The following SLC39A11 variants were observed in gnomAD, a reference collection of about 807,000 sequenced individuals.
SLC39A11 encodes the protein zinc transporter ZIP11.
SLC39A11 carries 33 observed loss-of-function variants against 36.1 expected under a neutral mutation model. The observed-to-expected ratio is 0.91, with a 90% CI of 0.69 to 1.22. The LOEUF (loss-of-function observed/expected upper bound fraction) is 1.22. SLC39A11 is among the 50% of genes most tolerant of loss of function. The pLI, the probability that SLC39A11 is intolerant of heterozygous loss-of-function variation, is 0.00. For synonymous variants in SLC39A11, 166 were observed against 170.3 expected (o/e 0.97, Z 0.20); for missense variants, 432 against 430.3 (o/e 1.00, Z -0.03).
chr17:72,648,904 G>A lies in SLC39A11; in HGVS notation c.828C>T (p.Ala276=), dbSNP rs568805544. 2.9e-5 allele frequency: 47 copies of A among 1,614,050 alleles called. No homozygotes were observed. Among genetic ancestry groups the A allele is most frequent in the Middle Eastern group, 3.3e-4 (2 of 6,062 alleles). ...GCAGGATGGGCTCAGCCAGCACCAC[G>A]GCAAAGGCACCAAAGACCCCGGCCA... ...EPLAGVFGAF[A]VVLAEPILPY... The change falls in exon 9 of 10, where the codon GCC becomes GCT. Residue 276 remains alanine, a synonymous_variant. Coordinates refer to ENST00000255559, the MANE Select transcript of SLC39A11 (RefSeq NM_139177.4).
At chr17:73,000,490 T>G (rs2089760953) in intron 4 of SLC39A11, among the ~76,000 whole-genome samples, 1 of 152,206 alleles carries the variant, frequency 6.6e-6, no homozygotes, top group Non-Finnish European at 1.5e-5. Context: ...GCATGGCCAG[T>G]AGCAGTCTGC....
intron 7 of SLC39A11, among the ~76,000 whole-genome samples, chr17:72,671,804 T>C (rs1259705731): frequency 6.6e-6 from 1 of 152,178 alleles, no homozygotes; most frequent in African/African-American, 2.4e-5. Flanking sequence ...ATCACCTATA[T>C]GCAGAATCTT....
intron 6 of SLC39A11, among the ~76,000 whole-genome samples, chr17:72,744,267 G>T (rs2074837802): frequency 6.6e-6 from 1 of 152,138 alleles, no homozygotes; most frequent in Non-Finnish European, 1.5e-5. Context: ...TTGACATTTG[G>T]TAGTCGGGGA....
At chr17:72,762,773 T>C (rs763487053) in intron 6 of SLC39A11, among the ~76,000 whole-genome samples, 9 of 152,128 alleles carry the variant, frequency 5.9e-5, no homozygotes, top group Admixed American at 1.3e-4. Flanking sequence ...CTCAGACCCA[T>C]GGCAGACCTT....
rs142561004 is a variant in SLC39A11 at position 73,059,876 on chromosome 17, T to C, written c.147+24932A>G. 2.2e-3 allele frequency among the ~76,000 whole-genome samples: 336 copies of C among 150,918 alleles called. 1 individual carries two copies. Among genetic ancestry groups the C allele is most frequent in the African/African-American group, 7.3e-3 (301 of 41,158 alleles). On this transcript the variant is annotated intron_variant, in intron 3 of 9. Coordinates refer to ENST00000255559, the MANE Select transcript of SLC39A11 (RefSeq NM_139177.4). ...AAAAAACTGATGGAATATAAGAAGG[T>C]TGTAGGAGGTTTGTGGACGGTGAAT...
intron 6 of SLC39A11, among the ~76,000 whole-genome samples, chr17:72,775,113 G>A (rs1195434303): frequency 6.6e-6 from 1 of 152,012 alleles, no homozygotes; most frequent in African/African-American, 2.4e-5. Context: ...TCTTTGTTTT[G>A]CTCGCTTTCA....
chr17:73,012,321 CAT>C (rs1174714693), intron 4 of SLC39A11, among the ~76,000 whole-genome samples: 1 of 152,016 alleles, frequency 6.6e-6, no homozygotes, highest in Non-Finnish European at 1.5e-5. Flanking sequence ...TTATTTGTAA[CAT>C]AGAGGATAAA....
At chr17:72,750,796 A>G (rs1357050307) in intron 6 of SLC39A11, among the ~76,000 whole-genome samples, 2 of 152,154 alleles carry the variant, frequency 1.3e-5, no homozygotes, top group Non-Finnish European at 2.9e-5. Context: ...AGGAAAAAAA[A>G]AAACTGCCTT....
Position 72,869,142 on chromosome 17 carries a change from T to C in SLC39A11, c.431-19338A>G, listed in dbSNP as rs551175266. On this transcript the variant is annotated intron_variant, in intron 5 of 9. Coordinates refer to ENST00000255559, the MANE Select transcript of SLC39A11 (RefSeq NM_139177.4). ...AAGGCTCAGGCATGAGCCTTTGAAATGGACATCCCCAAATAAACGAGCCCC... is the reference window on the plus strand; with the variant it reads ...AAGGCTCAGGCATGAGCCTTTGAAACGGACATCCCCAAATAAACGAGCCCC... 5.9e-5 allele frequency among the ~76,000 whole-genome samples: 9 copies of C among 152,226 alleles called. No homozygotes were observed. The South Asian group carries it at 1.5e-3, about 25-fold the overall frequency.
At chr17:73,072,969 C>G (rs141397315) in intron 3 of SLC39A11, among the ~76,000 whole-genome samples, 15,338 of 152,258 alleles carry the variant, frequency 0.1, 998 homozygotes, top group Admixed American at 0.19. Context: ...CACTTGTGGT[C>G]AGGAGTTCAA....
At chr17:72,967,395 AGAGAGT>A (rs1598637300) in intron 4 of SLC39A11, among the ~76,000 whole-genome samples, 1 of 143,952 alleles carries the variant, frequency 6.9e-6, no homozygotes, top group East Asian at 2.0e-4. Flanking sequence ...AGAGAGAGAG[AGAGAGT>A]GTGTGTGTGT....
chr17:72,810,432 C>A (rs1267045290), intron 6 of SLC39A11, among the ~76,000 whole-genome samples: 2 of 152,262 alleles, frequency 1.3e-5, no homozygotes, highest in Non-Finnish European at 2.9e-5. Context: ...TCAACTATTG[C>A]AATGCACACA....
intron 3 of SLC39A11, among the ~76,000 whole-genome samples, chr17:73,038,788 G>A (rs1367318880): frequency 1.5e-5 from 2 of 133,260 alleles, no homozygotes; most frequent in African/African-American, 2.7e-5. Flanking sequence ...AGGGAGGAGG[G>A]AGGAGGGAGG....
At chr17:73,077,871 T>C (rs1378633235) in intron 3 of SLC39A11, among the ~76,000 whole-genome samples, 2 of 152,216 alleles carry the variant, frequency 1.3e-5, no homozygotes, top group African/African-American at 2.4e-5. Context: ...TATCTGGTTT[T>C]GTTGGTTTGT....
intron 7 of SLC39A11, among the ~76,000 whole-genome samples, chr17:72,692,263 G>A (rs951650950): frequency 6.6e-6 from 1 of 152,102 alleles, no homozygotes; most frequent in Non-Finnish European, 1.5e-5. Context: ...CACCCGCCTC[G>A]GCCTCCCAAA....
At chr17:72,871,033 T>TTTTG (rs1313577058) in intron 5 of SLC39A11, among the ~76,000 whole-genome samples, 1 of 151,044 alleles carries the variant, frequency 6.6e-6, no homozygotes, top group Non-Finnish European at 1.5e-5. Context: ...TTTTGGTTTT[T>TTTTG]TTTGTTTGTT....
chr17:72,744,923 C>T (rs557755697), intron 6 of SLC39A11, among the ~76,000 whole-genome samples: 3 of 152,286 alleles, frequency 2.0e-5, no homozygotes, highest in Admixed American at 1.3e-4. Flanking sequence ...CTCACTGCAA[C>T]CTCTACCTCC....
intron 7 of SLC39A11, among the ~76,000 whole-genome samples, chr17:72,717,645 C>T (rs910759327): frequency 3.3e-5 from 5 of 152,218 alleles, no homozygotes; most frequent in African/African-American, 1.2e-4. Flanking sequence ...CTTAGGCCCA[C>T]CCTAATCCAG....
At chr17:72,731,879 T>C (rs1453522055) in intron 7 of SLC39A11, among the ~76,000 whole-genome samples, 1 of 151,756 alleles carries the variant, frequency 6.6e-6, no homozygotes, top group East Asian at 1.9e-4. Flanking sequence ...GTGCCCACCA[T>C]CACGCCTGGC....
Sources: gnomAD v4.1 joint callset for allele counts (sites outside exome capture counted in the v4.1 genomes callset) on GRCh38, gnomAD v4.1.1 for gene constraint, MANE v1.5 for transcripts, NCBI Gene and HGNC (gene_info 2026-07-23, HGNC 2026-07-21) for gene names.